BBS9: variants seen among roughly 807,000 people sequenced by gnomAD.
BBS9 encodes protein PTHB1.
A neutral mutation model predicts 117.7 loss-of-function variants in BBS9; 89 were observed. The observed-to-expected ratio is 0.76, with a 90% CI of 0.64 to 0.90. BBS9 has a LOEUF of 0.90. Ranked by LOEUF, BBS9 falls within the 40% of genes least tolerant of loss-of-function variation. BBS9 has a pLI of 0.00. For missense variants in BBS9, 982 were observed against 1,042.2 expected (o/e 0.94, Z 0.80); for synonymous variants, 379 against 370.9 (o/e 1.02, Z -0.25).
At chr7:33,542,705 G>A (rs1346573270) in intron 21 of BBS9, among the ~76,000 whole-genome samples, 3,158 of 43,624 alleles carry the variant, frequency 0.072, 95 homozygotes, top group African/African-American at 0.17. Context: ...ATATATGTGT[G>A]TGTGTGTGTG....
chr7:33,250,525 T>G (rs1796062774), intron 5 of BBS9, among the ~76,000 whole-genome samples: 2 of 152,244 alleles, frequency 1.3e-5, no homozygotes, highest in Admixed American at 6.5e-5. Context: ...TTTTCTGGAC[T>G]GTTCTTTCTA....
At chr7:33,261,358 T>G (rs1797955747) in intron 6 of BBS9, among the ~76,000 whole-genome samples, 1 of 152,196 alleles carries the variant, frequency 6.6e-6, no homozygotes, top group South Asian at 2.1e-4. Flanking sequence ...CACTGTACCT[T>G]GGTGAAAGTG....
chr7:33,168,309 G>T (rs10239299), intron 4 of BBS9, among the ~76,000 whole-genome samples: 31,175 of 152,052 alleles, frequency 0.21, 3,994 homozygotes, highest in Admixed American at 0.35. Flanking sequence ...CATTCGTTTA[G>T]CCAAAGTGAT....
intron 5 of BBS9, among the ~76,000 whole-genome samples, chr7:33,238,933 C>T (rs776460461): frequency 1.4e-4 from 21 of 152,086 alleles, no homozygotes; most frequent in Non-Finnish European, 2.8e-4. Context: ...TTAAAAAATA[C>T]TGTGGTTATA....
At chr7:33,612,183 T>A (rs899746512) in intron 21 of BBS9, among the ~76,000 whole-genome samples, 3 of 151,974 alleles carry the variant, frequency 2.0e-5, no homozygotes, top group African/African-American at 7.2e-5. Flanking sequence ...CTAAGTCTTT[T>A]GGGATAAAAA....
chr7:33,477,144 T>C (rs1005838871), intron 19 of BBS9, among the ~76,000 whole-genome samples: 6 of 152,206 alleles, frequency 3.9e-5, no homozygotes, highest in Non-Finnish European at 7.3e-5. Flanking sequence ...AAGGTAACTA[T>C]TAGGTCTCAA....
chr7:33,173,131 G>C (rs961828305), intron 4 of BBS9, among the ~76,000 whole-genome samples: 1 of 152,170 alleles, frequency 6.6e-6, no homozygotes, highest in Non-Finnish European at 1.5e-5. Context: ...TTAAGGAATA[G>C]GGGGAAGAAA....
At chr7:33,185,693 A>G (rs1798713130) in intron 5 of BBS9, among the ~76,000 whole-genome samples, 1 of 152,174 alleles carries the variant, frequency 6.6e-6, no homozygotes, top group Non-Finnish European at 1.5e-5. Context: ...AGAAACCTAA[A>G]AATCCTTGTT....
chr7:33,420,978 T>C (rs1251911061), intron 19 of BBS9, among the ~76,000 whole-genome samples: 1 of 152,300 alleles, frequency 6.6e-6, no homozygotes, highest in East Asian at 1.9e-4. Flanking sequence ...CTCTAGACAC[T>C]GTTTTGTGGC....
intron 9 of BBS9, among the ~76,000 whole-genome samples, chr7:33,324,649 T>C (rs1456773331): frequency 6.6e-6 from 1 of 152,042 alleles, no homozygotes; most frequent in African/African-American, 2.4e-5. Context: ...GCATTTCTTG[T>C]AGGGCAGGTC....
intron 5 of BBS9, among the ~76,000 whole-genome samples, chr7:33,199,276 A>C (rs998046560): frequency 6.6e-6 from 1 of 151,936 alleles, no homozygotes; most frequent in Non-Finnish European, 1.5e-5. Context: ...TACTGGAATA[A>C]ATGTAAGTTT....
chr7:33,463,893 T>G (rs1839820503), intron 19 of BBS9, among the ~76,000 whole-genome samples: 1 of 152,120 alleles, frequency 6.6e-6, no homozygotes, highest in Admixed American at 6.6e-5. Context: ...ATATGAAAAC[T>G]TTAAAATAAT....
intron 1 of BBS9, among the ~76,000 whole-genome samples, chr7:33,130,755 C>T (rs906455011): frequency 6.6e-6 from 1 of 151,252 alleles, no homozygotes; most frequent in Admixed American, 6.6e-5. Context: ...ACTAGAAAAC[C>T]CAGAAGTTTT....
chr7:33,295,867 T>C (rs978873816), intron 9 of BBS9, among the ~76,000 whole-genome samples: 7 of 152,042 alleles, frequency 4.6e-5, no homozygotes, highest in African/African-American at 1.7e-4. Flanking sequence ...CACCACTCTT[T>C]ATTTGCAAAG....
In BBS9 at chr7:33,504,295, A is replaced by G. The variant is rs576451837; in HGVS notation, c.2116-1168A>G. Among the ~76,000 whole-genome samples, 25 of 152,260 alleles carry G rather than the reference A, an allele frequency of 1.6e-4. No individual in the cohort carries two copies. The South Asian group carries it at 4.3e-3, about 26-fold the overall frequency. On this transcript the variant is annotated intron_variant, in intron 19 of 22. Coordinates refer to ENST00000242067, the MANE Select transcript of BBS9 (RefSeq NM_198428.3). The stretch of plus-strand genomic sequence containing the variant: ...GCAAAGAATCTTGGTCGCCCCAGCA[A>G]TTTCAGGCAAGGACCTTCAGTTGCT...
chr7:33,525,125 A>G (rs1849278728), intron 20 of BBS9, among the ~76,000 whole-genome samples: 1 of 152,178 alleles, frequency 6.6e-6, no homozygotes. Context: ...AGTTTGTTAT[A>G]AATTCTGTTC....
At chr7:33,333,467 G>A (rs1278159465) in intron 9 of BBS9, among the ~76,000 whole-genome samples, 1 of 152,016 alleles carries the variant, frequency 6.6e-6, no homozygotes. Flanking sequence ...GGGCACTTAG[G>A]TTGGTTTCAT....
At chr7:33,616,519 A>ATATATAT (rs1585483620) in intron 21 of BBS9, among the ~76,000 whole-genome samples, 3 of 147,820 alleles carry the variant, frequency 2.0e-5, no homozygotes, top group Non-Finnish European at 3.0e-5. Context: ...ATATATATAG[A>ATATATAT]AAGGATAGAG....
At chr7:33,131,269 A>G (rs1272612256) in intron 1 of BBS9, among the ~76,000 whole-genome samples, 1 of 152,180 alleles carries the variant, frequency 6.6e-6, no homozygotes, top group African/African-American at 2.4e-5. Flanking sequence ...TCTATTGAGT[A>G]CTTGCTATGG....
Sources: allele counts gnomAD v4.1 joint callset (sites outside exome capture counted in the v4.1 genomes callset), GRCh38; gene constraint gnomAD v4.1.1; transcripts MANE v1.5; gene names NCBI Gene and HGNC (gene_info 2026-07-23, HGNC 2026-07-21).